Variants in RIMS2 observed in about 807,000 individuals in gnomAD.
RIMS2 encodes the protein regulating synaptic membrane exocytosis protein 2.
A neutral mutation model predicts 174.4 loss-of-function variants in RIMS2; 59 were observed. The observed-to-expected ratio is 0.34, with a 90% confidence interval of 0.27 to 0.42. The LOEUF (loss-of-function observed/expected upper bound fraction) is 0.42, where lower values mean the gene tolerates loss of function less well. RIMS2 is among the 10% of genes least tolerant of loss of function. The pLI, the probability that RIMS2 is intolerant of heterozygous loss-of-function variation, is 1.00. For synonymous variants in RIMS2, 606 were observed against 572.5 expected (o/e 1.06, Z -0.84); for missense variants, 1,620 against 1,666.3 (o/e 0.97, Z 0.48).
chr8:104,249,848 T>A (rs2099353345), intron 22 of RIMS2, among the ~76,000 whole-genome samples: 1 of 152,292 alleles, frequency 6.6e-6, no homozygotes, highest in South Asian at 2.1e-4. Flanking sequence ...CCACCCCACT[T>A]AGATCATTCA....
In RIMS2 at chr8:103,559,063, T is replaced by TTTTTTTTTTTTTTTTTTTTTTTTTTTTC. The variant is rs2091125282; in HGVS notation, c.176+58006_176+58007insTTTTTTTTTTTTTTTTTTTTTTCTTTTT. 2 of 145,722 alleles carry TTTTTTTTTTTTTTTTTTTTTTTTTTTTC rather than the reference T, an allele frequency of 1.4e-5. 1 individual carries two copies. The allele number at this position is 145,722 out of a possible 1,614,324, so 9.0% of individuals were successfully genotyped here. On this transcript the variant is annotated intron_variant, in intron 1 of 23. Coordinates refer to ENST00000504942, the Ensembl canonical transcript of RIMS2. ...CTTTCAGATATTTTTTAACTTTTTT[T>TTTTTTTTTTTTTTTTTTTTTTTTTTTTC]TTTTTGCTCTCTGATCATCCTTATT...
At chr8:104,250,811 A>C (rs1055402149) in intron 22 of RIMS2, among the ~76,000 whole-genome samples, 2 of 152,218 alleles carry the variant, frequency 1.3e-5, no homozygotes, top group African/African-American at 4.8e-5. Flanking sequence ...AAATGATAAT[A>C]AACTCAGAGG....
chr8:103,722,626 A>G (rs769336423), intron 2 of RIMS2, among the ~76,000 whole-genome samples: 2 of 152,084 alleles, frequency 1.3e-5, no homozygotes, highest in Non-Finnish European at 2.9e-5. Context: ...AATATAGATA[A>G]AGTTTGCTTG....
intron 3 of RIMS2, chr8:103,880,439 G>A (rs979909257): frequency 1.4e-5 from 5 of 355,864 alleles, no homozygotes; most frequent in Non-Finnish European, 1.5e-5. Context: ...TTCTTAACAG[G>A]CCCATCACTA....
chr8:103,544,243 G>A (rs1843880978), intron 1 of RIMS2, among the ~76,000 whole-genome samples: 1 of 152,178 alleles, frequency 6.6e-6, no homozygotes, highest in Non-Finnish European at 1.5e-5. Context: ...CAGGGCAGGT[G>A]ACTCTGCCTA....
chr8:103,998,151 C>T (rs1430044709), intron 17 of RIMS2: 1 of 1,477,692 alleles, frequency 6.8e-7, no homozygotes. Context: ...TTTCTTGAGT[C>T]TTATTTATAT....
chr8:104,039,383 C>A (rs2096571304), intron 19 of RIMS2, among the ~76,000 whole-genome samples: 1 of 151,654 alleles, frequency 6.6e-6, no homozygotes, highest in South Asian at 2.1e-4. Flanking sequence ...ATGTGTGCCT[C>A]TGCTATTCAC....
At chr8:103,639,980 C>T (rs185929585) in intron 1 of RIMS2, among the ~76,000 whole-genome samples, 1 of 151,938 alleles carries the variant, frequency 6.6e-6, no homozygotes, top group East Asian at 1.9e-4. Context: ...ACATGACATA[C>T]TTCCGTATTT....
chr8:103,750,409 T>C (rs1245288686), intron 2 of RIMS2, among the ~76,000 whole-genome samples: 2 of 152,178 alleles, frequency 1.3e-5, no homozygotes, highest in Non-Finnish European at 2.9e-5. Context: ...TTATGATGCT[T>C]AAATTACAAA....
chr8:104,175,214 T>G (rs2098874586), intron 19 of RIMS2, among the ~76,000 whole-genome samples: 1 of 152,166 alleles, frequency 6.6e-6, no homozygotes, highest in Non-Finnish European at 1.5e-5. Flanking sequence ...TCCAACAAGT[T>G]TTTTTTTCAG....
At chr8:104,080,175 A>G (rs1302851572) in intron 19 of RIMS2, among the ~76,000 whole-genome samples, 1 of 152,028 alleles carries the variant, frequency 6.6e-6, no homozygotes, top group Non-Finnish European at 1.5e-5. Context: ...GTTGCCCAAT[A>G]GTTCTTCACA....
At chr8:103,918,573 G>T (rs2077044564) in intron 9 of RIMS2, 86 bp downstream of exon 12, 1 of 913,740 alleles carries the variant, frequency 1.1e-6, no homozygotes, top group Non-Finnish European at 1.8e-6. Context: ...GTAATGTGAA[G>T]TAAGAAATAT....
At chr8:104,231,051 A>G (rs898768486) in intron 19 of RIMS2, among the ~76,000 whole-genome samples, 1 of 152,234 alleles carries the variant, frequency 6.6e-6, no homozygotes, top group Non-Finnish European at 1.5e-5. Context: ...AATATTTTGC[A>G]ACTTCTGCCA....
At chr8:103,713,792 T>C (rs991011413) in intron 2 of RIMS2, among the ~76,000 whole-genome samples, 1 of 152,164 alleles carries the variant, frequency 6.6e-6, no homozygotes, top group Non-Finnish European at 1.5e-5. Context: ...GCATAAAGAG[T>C]CACCGCTCTC....
intron 19 of RIMS2, among the ~76,000 whole-genome samples, chr8:104,171,669 A>C (rs1375520557): frequency 6.6e-6 from 1 of 152,070 alleles, no homozygotes; most frequent in East Asian, 1.9e-4. Context: ...GTTTGGATCC[A>C]TTACAGGGGA....
chr8:103,668,403 G>C (rs1308511706), intron 1 of RIMS2, among the ~76,000 whole-genome samples: 1 of 152,140 alleles, frequency 6.6e-6, no homozygotes, highest in African/African-American at 2.4e-5. Context: ...TAACCTTCTT[G>C]TATGAGAAAG....
chr8:103,619,389 T>G (rs886951137), intron 1 of RIMS2, among the ~76,000 whole-genome samples: 1 of 152,078 alleles, frequency 6.6e-6, no homozygotes, highest in African/African-American at 2.4e-5. Context: ...TAAATATTTG[T>G]CTTATTAGAG....
intron 9 of RIMS2, among the ~76,000 whole-genome samples, chr8:103,919,145 G>T (rs1300835894): frequency 6.6e-6 from 1 of 152,072 alleles, no homozygotes; most frequent in Non-Finnish European, 1.5e-5. Context: ...GTACAGTAAG[G>T]GATATTGGGA....
At chr8:103,804,800 T>A (rs2098639150) in intron 3 of RIMS2, among the ~76,000 whole-genome samples, 1 of 152,002 alleles carries the variant, frequency 6.6e-6, no homozygotes, top group African/African-American at 2.4e-5. Context: ...TTTGTAGAAA[T>A]TGTCTTTTTT....
Sources: allele counts gnomAD v4.1 joint callset (sites outside exome capture counted in the v4.1 genomes callset), GRCh38; gene constraint gnomAD v4.1.1; transcripts MANE v1.5; gene names NCBI Gene and HGNC (gene_info 2026-07-23, HGNC 2026-07-21).